Variants in AP3B1 observed in about 807,000 individuals in gnomAD.
AP3B1 encodes the protein adaptor related protein complex 3 subunit beta 1, also known as AP-3 complex subunit beta-1.
A neutral mutation model predicts 132.5 loss-of-function variants in AP3B1; 61 were observed. The observed-to-expected ratio is 0.46, with a 90% confidence interval of 0.37 to 0.57. The LOEUF is 0.57. AP3B1 is among the 20% of genes least tolerant of loss of function. The pLI, the probability that AP3B1 is intolerant of heterozygous loss-of-function variation, is 0.00. For synonymous variants in AP3B1, 388 were observed against 438.3 expected (o/e 0.89, Z 1.43); for missense variants, 1,120 against 1,289.4 (o/e 0.87, Z 2.01).
At chr5:78,213,581 C>G (rs1034807454) in intron 7 of AP3B1, among the ~76,000 whole-genome samples, 3 of 152,142 alleles carry the variant, frequency 2.0e-5, no homozygotes, top group Non-Finnish European at 4.4e-5. Context: ...ACGAGACCCT[C>G]AAATAGCACT....
chr5:78,213,464 T>C (rs761906161), intron 7 of AP3B1, among the ~76,000 whole-genome samples: 3 of 152,218 alleles, frequency 2.0e-5, no homozygotes. Flanking sequence ...TCCTTGATTC[T>C]AATACTGCAA....
intron 21 of AP3B1, among the ~76,000 whole-genome samples, chr5:78,095,306 G>A (rs1750725029): frequency 6.6e-6 from 1 of 152,216 alleles, no homozygotes; most frequent in Admixed American, 6.5e-5. Flanking sequence ...CAAACAACCT[G>A]TGTGGATTAT....
intron 11 of AP3B1, among the ~76,000 whole-genome samples, chr5:78,172,423 G>A (rs760849984): frequency 6.6e-6 from 1 of 152,104 alleles, no homozygotes; most frequent in East Asian, 1.9e-4. Flanking sequence ...GCCTGTTATT[G>A]GTCTCTTCAG....
At chr5:78,025,165 T>A (rs1050905208) in intron 24 of AP3B1, among the ~76,000 whole-genome samples, 2 of 152,234 alleles carry the variant, frequency 1.3e-5, no homozygotes, top group Admixed American at 6.5e-5. Flanking sequence ...AGGGAACCAC[T>A]GAGTTACATC....
intron 21 of AP3B1, among the ~76,000 whole-genome samples, chr5:78,091,279 A>C (rs909850422): frequency 1.4e-5 from 2 of 145,932 alleles, no homozygotes; most frequent in African/African-American, 2.5e-5. Flanking sequence ...GTATTTGACA[A>C]AAAAAAAAAA....
intron 13 of AP3B1, among the ~76,000 whole-genome samples, chr5:78,161,360 G>A (rs996950434): frequency 4.0e-5 from 6 of 151,736 alleles, no homozygotes; most frequent in South Asian, 2.1e-4. Context: ...ACTAATTTCC[G>A]GTGCTTTCTG....
At chr5:78,115,751 T>C (rs531917204) in intron 18 of AP3B1, among the ~76,000 whole-genome samples, 105 of 152,264 alleles carry the variant, frequency 6.9e-4, no homozygotes, top group African/African-American at 2.5e-3. Context: ...CTTCAAGGTA[T>C]AAAATAAACT....
intron 1 of AP3B1, among the ~76,000 whole-genome samples, chr5:78,276,869 TAA>T (rs150537145): frequency 4.1e-5 from 5 of 123,234 alleles, no homozygotes; most frequent in Non-Finnish European, 3.5e-5. Flanking sequence ...ACCCTGTCCC[TAA>T]AAAAAAAAAA....
intron 1 of AP3B1, among the ~76,000 whole-genome samples, chr5:78,285,185 C>T (rs1186154488): frequency 2.6e-5 from 4 of 151,176 alleles, no homozygotes; most frequent in Non-Finnish European, 5.9e-5. Context: ...GGAGGCGGAG[C>T]TTGCAGTGAG....
intron 6 of AP3B1, among the ~76,000 whole-genome samples, chr5:78,223,428 G>A (rs977492790): frequency 1.3e-5 from 2 of 151,978 alleles, no homozygotes; most frequent in African/African-American, 4.8e-5. Flanking sequence ...ACCACTGCAG[G>A]GGGGTGAGGG....
chr5:78,086,035 T>C (rs2112194192), intron 22 of AP3B1, among the ~76,000 whole-genome samples: 1 of 152,324 alleles, frequency 6.6e-6, no homozygotes, highest in East Asian at 1.9e-4. Context: ...ATGCATCCTG[T>C]CATCTTTCCC....
chr5:78,241,131 A>G (rs1747117868), intron 2 of AP3B1, among the ~76,000 whole-genome samples, 195 bp from the exon 3 acceptor site: 1 of 152,162 alleles, frequency 6.6e-6, no homozygotes, highest in African/African-American at 2.4e-5. Context: ...ACAATAAACA[A>G]GAAATATTTA....
chr5:78,285,014 G>A (rs572729937), intron 1 of AP3B1, among the ~76,000 whole-genome samples: 7 of 152,120 alleles, frequency 4.6e-5, no homozygotes, highest in Non-Finnish European at 8.8e-5. Context: ...TTGGGAGGCC[G>A]AGGTGGGCAG....
intron 21 of AP3B1, among the ~76,000 whole-genome samples, chr5:78,094,135 A>G (rs1750665588): frequency 1.3e-5 from 2 of 152,356 alleles, no homozygotes; most frequent in South Asian, 4.1e-4. Flanking sequence ...ACACTAGAAT[A>G]TGATCACTGA....
At chr5:78,188,302 C>T (rs1292565587) in intron 7 of AP3B1, among the ~76,000 whole-genome samples, 3 of 152,186 alleles carry the variant, frequency 2.0e-5, no homozygotes, top group Non-Finnish European at 4.4e-5. Flanking sequence ...AGACAACCTA[C>T]AGAATGGGAG....
chr5:78,071,868 A>G (rs1454215922), intron 22 of AP3B1, among the ~76,000 whole-genome samples: 1 of 152,176 alleles, frequency 6.6e-6, no homozygotes, highest in Non-Finnish European at 1.5e-5. Flanking sequence ...TACTTTCTTT[A>G]GATTTCTAGA....
At chr5:78,128,761 T>A (rs1752568805) in intron 16 of AP3B1, among the ~76,000 whole-genome samples, 1 of 152,104 alleles carries the variant, frequency 6.6e-6, no homozygotes, top group African/African-American at 2.4e-5. Context: ...GTACACAGAA[T>A]ATTTACTTAA....
At chr5:78,205,703 C>T (rs989709700) in intron 7 of AP3B1, among the ~76,000 whole-genome samples, 4 of 152,070 alleles carry the variant, frequency 2.6e-5, no homozygotes, top group African/African-American at 4.8e-5. Context: ...AAATGGTCAG[C>T]ATGTCAAATG....
chr5:78,106,733 C>T (rs423591), intron 20 of AP3B1, among the ~76,000 whole-genome samples: 26,811 of 151,974 alleles, frequency 0.18, 2,903 homozygotes, highest in Admixed American at 0.28. Context: ...AGAAATAACG[C>T]ACAGAACATA....
Sources: allele counts gnomAD v4.1 joint callset (sites outside exome capture counted in the v4.1 genomes callset), GRCh38; gene constraint gnomAD v4.1.1; transcripts MANE v1.5; gene names NCBI Gene and HGNC (gene_info 2026-07-23, HGNC 2026-07-21).